CCSER1: variants seen among roughly 807,000 people sequenced by gnomAD.
CCSER1 encodes coiled-coil serine rich protein 1, also known as serine-rich coiled-coil domain-containing protein 1.
A neutral mutation model predicts 82.0 loss-of-function variants in CCSER1; 41 were observed. The observed-to-expected ratio is 0.50, with a 90% CI of 0.39 to 0.65. The LOEUF is 0.65. Ranked by LOEUF, CCSER1 falls within the 30% of genes least tolerant of loss-of-function variation. CCSER1 has a pLI of 0.00. For synonymous variants in CCSER1, 414 were observed against 383.9 expected (o/e 1.08, Z -0.92); for missense variants, 1,119 against 1,064.2 (o/e 1.05, Z -0.72).
chr4:91,006,181 A>T (rs935755234), intron 9 of CCSER1, among the ~76,000 whole-genome samples: 4 of 150,710 alleles, frequency 2.7e-5, no homozygotes, highest in African/African-American at 9.8e-5. Flanking sequence ...CTTCTATTCC[A>T]TTTTTTTTCA....
chr4:90,642,790 G>A (rs1234181498), intron 6 of CCSER1, among the ~76,000 whole-genome samples: 1 of 152,144 alleles, frequency 6.6e-6, no homozygotes, highest in African/African-American at 2.4e-5. Flanking sequence ...AGGAGTTTGA[G>A]GCTGCAATAA....
At chr4:90,226,076 G>T (rs1381548181) in intron 1 of CCSER1, among the ~76,000 whole-genome samples, 2 of 152,188 alleles carry the variant, frequency 1.3e-5, no homozygotes, top group African/African-American at 4.8e-5. Context: ...TGAGAGAGAT[G>T]CCTGGTTAGC....
At chr4:90,864,368 G>A (rs1349468167) in intron 8 of CCSER1, among the ~76,000 whole-genome samples, 1 of 151,990 alleles carries the variant, frequency 6.6e-6, no homozygotes, top group African/African-American at 2.4e-5. Context: ...TGACAGGTGG[G>A]ACCTCTAAGA....
chr4:91,496,616 A>AAATATATATTGAATATATATATATATT (rs1279142591), intron 10 of CCSER1, among the ~76,000 whole-genome samples: 3 of 21,028 alleles, frequency 1.4e-4, no homozygotes, highest in African/African-American at 4.1e-4. Flanking sequence ...ATATATATAC[A>AAATATATATTGAATATATATATATATT]CGAATATATA....
intron 4 of CCSER1, among the ~76,000 whole-genome samples, chr4:90,401,279 A>G (rs767962444): frequency 1.3e-5 from 2 of 152,206 alleles, no homozygotes; most frequent in Non-Finnish European, 2.9e-5. Context: ...ACTTTTATGC[A>G]GATGGTTTTT....
chr4:91,239,285 G>T (rs894876113), intron 10 of CCSER1, among the ~76,000 whole-genome samples: 1 of 74,340 alleles, frequency 1.3e-5, no homozygotes, highest in Non-Finnish European at 2.6e-5. Flanking sequence ...TATCTAGGCA[G>T]TCTCATTTTA....
chr4:90,255,010 C>CAT (rs1491432764), intron 1 of CCSER1, among the ~76,000 whole-genome samples: 8 of 150,234 alleles, frequency 5.3e-5, no homozygotes, highest in African/African-American at 1.7e-4. Flanking sequence ...CACACACACA[C>CAT]GCACACTTTA....
At chr4:91,411,507 T>TATATATATATATATAC (rs1399049292) in intron 10 of CCSER1, among the ~76,000 whole-genome samples, 18 of 67,296 alleles carry the variant, frequency 2.7e-4, no homozygotes, top group African/African-American at 6.8e-4. Flanking sequence ...TATATATATA[T>TATATATATATATATAC]ATATATATAT....
At chr4:91,516,675 G>A (rs947620197) in intron 10 of CCSER1, among the ~76,000 whole-genome samples, 1 of 151,910 alleles carries the variant, frequency 6.6e-6, no homozygotes, top group Admixed American at 6.6e-5. Context: ...TGCTTAGGAC[G>A]TCTTGTTTCT....
At chr4:90,941,217 A>T (rs1269770513) in intron 9 of CCSER1, among the ~76,000 whole-genome samples, 1 of 152,128 alleles carries the variant, frequency 6.6e-6, no homozygotes, top group Non-Finnish European at 1.5e-5. Context: ...TACTTCAATG[A>T]CTATGAACAT....
At chr4:90,233,216 A>C (rs1178619411) in intron 1 of CCSER1, among the ~76,000 whole-genome samples, 2 of 152,138 alleles carry the variant, frequency 1.3e-5, no homozygotes, top group Non-Finnish European at 2.9e-5. Context: ...AAGACTTGGA[A>C]CCAACCCAAA....
In CCSER1 at chr4:90,636,985, G is replaced by C. The variant is rs528947850; in HGVS notation, c.1932+8753G>C. 1.2e-3 allele frequency among the ~76,000 whole-genome samples: 180 copies of C among 152,248 alleles called. 1 individual carries two copies. The highest frequency in any genetic ancestry group is 4.2e-3 in the African/African-American group (174 of 41,556). ...AATTAGCAGTAAATTTAATAGCATTGAAGAATATAAAGTTGTCATAAAATT... is the reference window on the plus strand; with the variant it reads ...AATTAGCAGTAAATTTAATAGCATTCAAGAATATAAAGTTGTCATAAAATT... On this transcript the variant is annotated intron_variant, in intron 6 of 10. Coordinates refer to ENST00000509176, the MANE Select transcript of CCSER1 (RefSeq NM_001145065.2).
chr4:90,451,526 T>C (rs1238756884), intron 4 of CCSER1, among the ~76,000 whole-genome samples: 1 of 152,222 alleles, frequency 6.6e-6, no homozygotes, highest in African/African-American at 2.4e-5. Context: ...ACAGGTTTTA[T>C]CTTTATCAAG....
intron 6 of CCSER1, among the ~76,000 whole-genome samples, chr4:90,695,184 A>T (rs905856965): frequency 6.6e-6 from 1 of 151,666 alleles, no homozygotes. Context: ...AAATTCAAGG[A>T]CACAGTGCTT....
At chr4:91,296,466 TGTATATATATATATA>T (rs1423835090) in intron 10 of CCSER1, among the ~76,000 whole-genome samples, 4 of 51,282 alleles carry the variant, frequency 7.8e-5, no homozygotes, top group African/African-American at 3.0e-4. Flanking sequence ...TATATATATA[TGTATATATATATATA>T]TATATTTTAA....
chr4:90,398,118 T>C (rs1752296657), intron 3 of CCSER1, among the ~76,000 whole-genome samples: 1 of 152,198 alleles, frequency 6.6e-6, no homozygotes, highest in South Asian at 2.1e-4. Flanking sequence ...CTTCCCTCCC[T>C]CTGTGAATTC....
intron 1 of CCSER1, among the ~76,000 whole-genome samples, chr4:90,271,860 ATATTTTTTTTTT>A (rs1157312663): frequency 3.1e-4 from 7 of 22,238 alleles, no homozygotes; most frequent in East Asian, 1.7e-3. Flanking sequence ...ATATATATAT[ATATTTTTTTTTT>A]TTTTTTTTTT....
intron 10 of CCSER1, among the ~76,000 whole-genome samples, chr4:91,572,045 T>A (rs1763211658): frequency 6.6e-6 from 1 of 152,062 alleles, no homozygotes; most frequent in South Asian, 2.1e-4. Flanking sequence ...TAAGGCTCTG[T>A]TCAGGGAGTT....
chr4:90,157,264 C>T (rs1426258335), intron 1 of CCSER1, among the ~76,000 whole-genome samples: 2 of 152,160 alleles, frequency 1.3e-5, no homozygotes, highest in African/African-American at 4.8e-5. Context: ...GATGGGCTTC[C>T]CTTTGTGAGT....
Sources: gnomAD v4.1 joint callset for allele counts (sites outside exome capture counted in the v4.1 genomes callset) on GRCh38, gnomAD v4.1.1 for gene constraint, MANE v1.5 for transcripts, NCBI Gene and HGNC (gene_info 2026-07-23, HGNC 2026-07-21) for gene names.